The following XPR1 variants were observed in gnomAD, a reference collection of about 807,000 sequenced individuals.
XPR1 encodes solute carrier family 53 member 1.
XPR1 carries 28 observed loss-of-function variants against 87.5 expected under a neutral mutation model. The observed-to-expected ratio is 0.32, with a 90% CI of 0.24 to 0.44. The LOEUF is 0.44. XPR1 is among the 20% of genes least tolerant of loss of function. XPR1 has a pLI of 1.00. For missense variants in XPR1, 559 were observed against 862.3 expected (o/e 0.65, Z 4.41); for synonymous variants, 300 against 306.1 (o/e 0.98, Z 0.21).
intron 7 of XPR1, among the ~76,000 whole-genome samples, chr1:180,818,366 T>A (rs10914111): frequency 6.6e-6 from 1 of 150,972 alleles, no homozygotes; most frequent in East Asian, 1.9e-4. Flanking sequence ...ATTTGCTTAC[T>A]AACACAACCT....
At chr1:180,879,225 A>G (rs568146806) in intron 13 of XPR1, among the ~76,000 whole-genome samples, 2 of 152,198 alleles carry the variant, frequency 1.3e-5, no homozygotes, top group African/African-American at 4.8e-5. Context: ...TTAAGTCACC[A>G]TCATCTCTTT....
At chr1:180,643,228 A>G (rs1391289395) in intron 1 of XPR1, among the ~76,000 whole-genome samples, 2 of 152,190 alleles carry the variant, frequency 1.3e-5, no homozygotes, top group African/African-American at 2.4e-5. Flanking sequence ...ACCAAACAGC[A>G]TAGCCAAGGA....
intron 2 of XPR1, among the ~76,000 whole-genome samples, chr1:180,736,410 TG>T (rs1341759515): frequency 2.6e-5 from 4 of 152,222 alleles, no homozygotes; most frequent in African/African-American, 9.6e-5. Flanking sequence ...CCTTCATAGA[TG>T]CACATTAGAG....
chr1:180,845,293 C>G (rs1186337006), intron 11 of XPR1, among the ~76,000 whole-genome samples: 1 of 152,098 alleles, frequency 6.6e-6, no homozygotes, highest in African/African-American at 2.4e-5. Flanking sequence ...ACCTTTTGAC[C>G]TAGTAAGTAC....
At chr1:180,656,455 AT>A (rs372561235) in intron 1 of XPR1, among the ~76,000 whole-genome samples, 894 of 4,000 alleles carry the variant, frequency 0.22, 294 homozygotes, top group Non-Finnish European at 0.36. Flanking sequence ...ATATTTATAT[AT>A]TTATATATAA....
chr1:180,729,999 C>A (rs777943479), intron 2 of XPR1, among the ~76,000 whole-genome samples: 1 of 152,194 alleles, frequency 6.6e-6, no homozygotes, highest in Non-Finnish European at 1.5e-5. Flanking sequence ...CCTAGGTTAT[C>A]TCCCAGGGGT....
intron 1 of XPR1, among the ~76,000 whole-genome samples, chr1:180,652,607 A>G (rs766464963): frequency 3.4e-4 from 52 of 152,344 alleles, no homozygotes; most frequent in African/African-American, 1.1e-3. Flanking sequence ...TGTTAAATAA[A>G]TCACTTATTT....
chr1:180,659,341 GTCCTTCCT>G (rs1374077831), intron 1 of XPR1, among the ~76,000 whole-genome samples: 2 of 102,184 alleles, frequency 2.0e-5, no homozygotes, highest in East Asian at 6.9e-4. Flanking sequence ...CCTTCCTTCC[GTCCTTCCT>G]TCCGTCCTTC....
chr1:180,735,433 A>C (rs570026873), intron 2 of XPR1, among the ~76,000 whole-genome samples: 119 of 152,340 alleles, frequency 7.8e-4, no homozygotes, highest in African/African-American at 2.8e-3. Flanking sequence ...TGATCCTTTA[A>C]GTTTTTAATT....
At chr1:180,847,202 T>C (rs1651715231) in intron 11 of XPR1, among the ~76,000 whole-genome samples, 1 of 152,248 alleles carries the variant, frequency 6.6e-6, no homozygotes, top group South Asian at 2.1e-4. Flanking sequence ...AGATCTGTTA[T>C]ATAGTCTTCT....
At chr1:180,662,657 T>C (rs891990811) in intron 1 of XPR1, among the ~76,000 whole-genome samples, 1 of 152,230 alleles carries the variant, frequency 6.6e-6, no homozygotes, top group Non-Finnish European at 1.5e-5. Flanking sequence ...TAGTTGAATA[T>C]TGATATCCTT....
intron 11 of XPR1, among the ~76,000 whole-genome samples, chr1:180,837,192 G>C (rs933380119): frequency 1.3e-5 from 2 of 152,102 alleles, no homozygotes; most frequent in African/African-American, 4.8e-5. Flanking sequence ...CCATGGCAAC[G>C]TATTATTACT....
chr1:180,703,987 T>C (rs1046381210), intron 2 of XPR1, among the ~76,000 whole-genome samples: 9 of 152,064 alleles, frequency 5.9e-5, no homozygotes, highest in Non-Finnish European at 1.2e-4. Context: ...CTCTTTTTTT[T>C]CTTGAATTTT....
At chr1:180,638,805 T>A (rs1654869462) in intron 1 of XPR1, among the ~76,000 whole-genome samples, 1 of 152,198 alleles carries the variant, frequency 6.6e-6, no homozygotes, top group Admixed American at 6.5e-5. Flanking sequence ...TTTGTATTAC[T>A]TTTGTATAAA....
chr1:180,776,753 A>G (rs1380093604), intron 2 of XPR1, among the ~76,000 whole-genome samples: 1 of 152,112 alleles, frequency 6.6e-6, no homozygotes, highest in Non-Finnish European at 1.5e-5. Flanking sequence ...TACCTAGCAG[A>G]CATTAGGTAA....
chr1:180,702,791 G>C (rs12060123), intron 2 of XPR1, among the ~76,000 whole-genome samples: 6,532 of 150,958 alleles, frequency 0.043, 501 homozygotes, highest in African/African-American at 0.15. Flanking sequence ...CTCTTTTTTG[G>C]GATTTTTTTT....
At position 180,754,189 on chromosome 1, in the gene XPR1, A is replaced by T. The variant is rs1341129126; in HGVS notation, c.122-33564A>T. On this transcript the variant is annotated intron_variant, in intron 2 of 14. Coordinates refer to ENST00000367590, the MANE Select transcript of XPR1 (RefSeq NM_004736.4). ...TCTGATAGAATGTCAGTTTCCTAAA[A>T]GCAAGATCCTAGTATGTCTTATACT... Among the ~76,000 whole-genome samples, 7 of 152,210 alleles carry T rather than the reference A, an allele frequency of 4.6e-5. No individual in the cohort carries two copies. The East Asian group carries it at 1.3e-3, about 29-fold the overall frequency.
chr1:180,816,376 C>G (rs1650412198), intron 7 of XPR1, among the ~76,000 whole-genome samples: 1 of 152,178 alleles, frequency 6.6e-6, no homozygotes, highest in African/African-American at 2.4e-5. Context: ...GCTCTCTCAC[C>G]AGCCGCTCAC....
chr1:180,854,531 A>G (rs988493061), intron 11 of XPR1, among the ~76,000 whole-genome samples: 3 of 152,210 alleles, frequency 2.0e-5, no homozygotes, highest in Admixed American at 6.5e-5. Flanking sequence ...TCTTGTGCTC[A>G]GTCTCTGTGG....
Sources: allele counts gnomAD v4.1 joint callset (sites outside exome capture counted in the v4.1 genomes callset), GRCh38; gene constraint gnomAD v4.1.1; transcripts MANE v1.5; gene names NCBI Gene and HGNC (gene_info 2026-07-23, HGNC 2026-07-21).